Variants in LNX1 observed in about 807,000 individuals in gnomAD.
The protein encoded by LNX1 is E3 ubiquitin-protein ligase LNX.
LNX1 carries 54 observed loss-of-function variants against 68.4 expected under a neutral mutation model. That is an observed-to-expected ratio of 0.79 (90% CI 0.63 to 0.99). The LOEUF (loss-of-function observed/expected upper bound fraction) is 0.99, where lower values mean the gene tolerates loss of function less well. Among genes scored for constraint, LNX1 ranks in the 50% least tolerant of loss-of-function variants. LNX1 has a pLI of 0.00. For missense variants in LNX1, 906 were observed against 926.4 expected, an observed-to-expected ratio of 0.98 and a Z score of 0.29; for synonymous variants, 336 against 350.0, an observed-to-expected ratio of 0.96 and a Z score of 0.45.
intron 6 of LNX1, among the ~76,000 whole-genome samples, chr4:53,487,296 G>A (rs796209130): frequency 1.8e-4 from 28 of 152,350 alleles, no homozygotes; most frequent in African/African-American, 6.3e-4. Context: ...AACTGGTCAA[G>A]TACCTGTTCT....
chr4:53,493,540 A>G (rs565470087), intron 6 of LNX1, among the ~76,000 whole-genome samples: 5 of 152,196 alleles, frequency 3.3e-5, no homozygotes, highest in Non-Finnish European at 5.9e-5. Context: ...TCTTCCACGA[A>G]GAGGGATAAG....
intron 1 of LNX1, among the ~76,000 whole-genome samples, chr4:53,581,659 A>G (rs541657231): frequency 6.6e-6 from 1 of 152,244 alleles, no homozygotes; most frequent in Admixed American, 6.5e-5. Context: ...ATCTCATGAG[A>G]CTTACTCACT....
At chr4:53,538,132 C>T (rs1728504570) in intron 2 of LNX1, among the ~76,000 whole-genome samples, 2 of 152,168 alleles carry the variant, frequency 1.3e-5, no homozygotes, top group Admixed American at 1.3e-4. Flanking sequence ...CAAAACAAAA[C>T]AATCACAAAC....
At chr4:53,651,605 A>G (rs1421244705) in intron 1 of LNX1, among the ~76,000 whole-genome samples, 2 of 152,182 alleles carry the variant, frequency 1.3e-5, no homozygotes, top group Non-Finnish European at 2.9e-5. Flanking sequence ...TAGGGTCACC[A>G]TTCTACTGAA....
At chr4:53,645,679 G>A (rs1203694107) in intron 1 of LNX1, among the ~76,000 whole-genome samples, 1 of 152,190 alleles carries the variant, frequency 6.6e-6, no homozygotes, top group African/African-American at 2.4e-5. Flanking sequence ...GAGATCAGCA[G>A]GAACAAGGGG....
chr4:53,472,324 C>G (rs28778963), intron 9 of LNX1, among the ~76,000 whole-genome samples: 19,692 of 151,772 alleles, frequency 0.13, 2,546 homozygotes, highest in African/African-American at 0.32. Flanking sequence ...ACATCACACA[C>G]CGGGGACTGT....
At chr4:53,565,064 C>A (rs1227405006) in intron 2 of LNX1, among the ~76,000 whole-genome samples, 4 of 151,994 alleles carry the variant, frequency 2.6e-5, no homozygotes, top group East Asian at 1.9e-4. Flanking sequence ...GGCAGCGAGG[C>A]TGGGGGAGGG....
chr4:53,543,113 A>G (rs532642568), intron 2 of LNX1, among the ~76,000 whole-genome samples: 31 of 152,308 alleles, frequency 2.0e-4, no homozygotes, highest in African/African-American at 7.0e-4. Context: ...CTCCTGCCTC[A>G]GCCTCCCGAA....
chr4:53,539,084 T>C (rs1396181210), intron 2 of LNX1: 3 of 152,202 alleles, frequency 2.0e-5, no homozygotes, highest in Non-Finnish European at 2.9e-5. Context: ...TTTTTGTTTT[T>C]TCCTTTAGGT....
chr4:53,575,963 C>T, intron 1 of LNX1: 3 of 1,562,594 alleles, frequency 1.9e-6, no homozygotes, highest in Non-Finnish European at 2.6e-6. Context: ...TGGCTGGGTG[C>T]CCTACTGGCA....
At chr4:53,482,788 A>G (rs1724032297) in intron 6 of LNX1, among the ~76,000 whole-genome samples, 1 of 152,210 alleles carries the variant, frequency 6.6e-6, no homozygotes, top group Non-Finnish European at 1.5e-5. Context: ...CTAAAATCTC[A>G]GACTTCACCA....
intron 2 of LNX1, among the ~76,000 whole-genome samples, chr4:53,569,026 T>G (rs1239080656): frequency 0.016 from 2,335 of 150,542 alleles, 50 homozygotes; most frequent in African/African-American, 0.054. Context: ...TACAAACAAA[T>G]GGAAGAACAT....
At chr4:53,494,154 T>C (rs1489419469) in intron 6 of LNX1, among the ~76,000 whole-genome samples, 2 of 152,184 alleles carry the variant, frequency 1.3e-5, no homozygotes, top group Non-Finnish European at 1.5e-5. Flanking sequence ...TGGGAGATAA[T>C]TGAATCACGG....
At chr4:53,469,423 TAAAA>T (rs1440314433) in intron 9 of LNX1, among the ~76,000 whole-genome samples, 1 of 151,988 alleles carries the variant, frequency 6.6e-6, no homozygotes, top group Non-Finnish European at 1.5e-5. Flanking sequence ...ACATCACAAT[TAAAA>T]GAACTAGAGA....
chr4:53,480,545 T>C (rs1723844972), intron 7 of LNX1, among the ~76,000 whole-genome samples: 1 of 152,192 alleles, frequency 6.6e-6, no homozygotes, highest in Non-Finnish European at 1.5e-5. Context: ...AATTTAAACA[T>C]TAAGCATTTA....
At chr4:53,610,715 G>GAAAAAAAAAAAAA (rs10553873) in intron 2 of LNX1, among the ~76,000 whole-genome samples, 4 of 112,538 alleles carry the variant, frequency 3.6e-5, no homozygotes, top group East Asian at 2.8e-4. Context: ...TCTCAAAGAG[G>GAAAAAAAAAAAAA]AAAAAAAAAA....
At chr4:53,576,236 G>C (rs544620919) in intron 1 of LNX1, 2 of 1,607,108 alleles carry the variant, frequency 1.2e-6, no homozygotes, top group African/African-American at 2.7e-5. Context: ...CTGCAGCCGA[G>C]GGTCCTGATG....
chr4:53,490,629 T>A (rs1386239583), intron 6 of LNX1, among the ~76,000 whole-genome samples: 1 of 152,190 alleles, frequency 6.6e-6, no homozygotes, highest in Non-Finnish European at 1.5e-5. Context: ...AAAAGCTGAA[T>A]GTGGGGTACT....
At chr4:53,548,580 T>C (rs1729272914) in intron 2 of LNX1, among the ~76,000 whole-genome samples, 1 of 151,964 alleles carries the variant, frequency 6.6e-6, no homozygotes, top group Non-Finnish European at 1.5e-5. Context: ...TTGGCAGGAG[T>C]GTAAATTAAA....
Sources: allele counts gnomAD v4.1 joint callset (sites outside exome capture counted in the v4.1 genomes callset), GRCh38; gene constraint gnomAD v4.1.1; transcripts MANE v1.5; gene names NCBI Gene and HGNC (gene_info 2026-07-23, HGNC 2026-07-21).